CASK: variants seen among roughly 807,000 people sequenced by gnomAD.
CASK encodes calcium/calmodulin dependent serine protein kinase.
Under a neutral mutation model 82.9 loss-of-function variants are expected in CASK, and 4 were observed. That is an observed-to-expected ratio of 0.05 (90% CI 0.02 to 0.11). The LOEUF (loss-of-function observed/expected upper bound fraction) is 0.11, where lower values mean the gene tolerates loss of function less well. Among genes scored for constraint, CASK ranks in the 10% least tolerant of loss-of-function variants. The pLI, the probability that CASK is intolerant of heterozygous loss-of-function variation, is 1.00. For missense variants in CASK, 358 were observed against 720.9 expected (o/e 0.50, Z 5.76); for synonymous variants, 259 against 253.5 (o/e 1.02, Z -0.20).
At chrX:41,758,010 C>T (rs146238903) in intron 3 of CASK, among the ~76,000 whole-genome samples, 52 of 112,292 alleles carry the variant, frequency 4.6e-4, no homozygotes, top group African/African-American at 1.4e-3. Context: ...TAAACTACTC[C>T]GTATTTGTGG....
At chrX:41,737,521 C>G (rs1429691649) in intron 5 of CASK, among the ~76,000 whole-genome samples, 1 of 111,959 alleles carries the variant, frequency 8.9e-6, no homozygotes, top group Non-Finnish European at 1.9e-5. Context: ...AGTAGGCACT[C>G]AAATATTTGT....
intron 25 of CASK, chrX:41,524,274 C>G: frequency 2.6e-6 from 1 of 379,375 alleles, no homozygotes. Context: ...TCTTATGACT[C>G]ATGAATCAAT....
intron 5 of CASK, chrX:41,729,021 G>A: frequency 8.1e-6 from 1 of 123,247 alleles, no homozygotes; most frequent in Non-Finnish European, 1.9e-5. Flanking sequence ...ATCACATTGT[G>A]CATATTTTCT....
At chrX:41,609,146 G>A (rs905632433) in intron 12 of CASK, among the ~76,000 whole-genome samples, 8 of 111,569 alleles carry the variant, frequency 7.2e-5, no homozygotes, top group African/African-American at 1.6e-4. Context: ...ATGGAGTTTC[G>A]CTCTTGTTGC....
At chrX:41,773,534 G>A (rs2069287100) in intron 3 of CASK, among the ~76,000 whole-genome samples, 1 of 111,431 alleles carries the variant, frequency 9.0e-6, no homozygotes, top group Admixed American at 9.6e-5. Context: ...ATAGATTGAA[G>A]GATGGTATTA....
intron 1 of CASK, among the ~76,000 whole-genome samples, chrX:41,906,456 T>C (rs2072471853): frequency 8.9e-6 from 1 of 112,299 alleles, no homozygotes; most frequent in South Asian, 3.7e-4. Context: ...AAAATTTGAG[T>C]CTGAACACTA....
At position 41,518,148 on chromosome X, in the gene CASK, A is replaced by G; in HGVS notation, c.*2272T>C. On this transcript the variant is annotated 3_prime_UTR_variant, in exon 27 of 27. Coordinates refer to ENST00000378163, the MANE Select transcript of CASK (RefSeq NM_001367721.1). ...ATATGGCAGATGGCTTAAGACAGGC[A>G]TCATCAGCATCTCTGGAGATGTGGG... The G allele has an allele frequency of 6.5e-6, 1 of 153,429 alleles. No individual in the cohort carries two copies. Among genetic ancestry groups the G allele is most frequent in the Non-Finnish European group, 1.3e-5 (1 of 79,083 alleles). 12.6% of individuals were successfully genotyped at this position (153,429 alleles called of 1,213,427 possible).
At chrX:41,883,697 C>T (rs1196844577) in intron 1 of CASK, among the ~76,000 whole-genome samples, 6 of 111,543 alleles carry the variant, frequency 5.4e-5, no homozygotes, top group Admixed American at 1.9e-4. Context: ...TATTAAATCT[C>T]TAAAATAATT....
At chrX:41,540,500 CTTTA>C in intron 22 of CASK, among the ~76,000 whole-genome samples, 1 of 112,508 alleles carries the variant, frequency 8.9e-6, no homozygotes, top group African/African-American at 3.2e-5. Context: ...ACCCACTGAT[CTTTA>C]GAATTAGAAA....
Position 41,520,566 on chromosome X carries a change from A to G in CASK, c.2635T>C (p.Ser879Pro). The G allele has an allele frequency of 8.3e-7, 1 of 1,207,897 alleles. No individual in the cohort carries two copies. The highest frequency in any genetic ancestry group is 1.1e-6 in the Non-Finnish European group (1 of 893,028). Residue 879 changes from serine (S) to proline (P), a missense_variant, in exon 27 of 27, where the codon TCT becomes CCT. This residue lies in a region of CASK where 118 missense variants were observed against 169.4 expected (regional missense o/e 0.70). Coordinates refer to ENST00000378163, the MANE Select transcript of CASK (RefSeq NM_001367721.1). Reference protein sequence around the residue: ...DESLQRLQKESDILQRTYAHY... With the variant: ...DESLQRLQKEPDILQRTYAHY... ...GCATATGTTCTCTGTAAGATGTCAG[A>G]CTCCTTCTGCAGACGCTGAAGAGAT...
At chrX:41,842,729 TA>T (rs1485356224) in intron 2 of CASK, among the ~76,000 whole-genome samples, 1 of 111,681 alleles carries the variant, frequency 9.0e-6, no homozygotes, top group Non-Finnish European at 1.9e-5. Flanking sequence ...GGGATTTTGA[TA>T]GAGATAGCAC....
intron 2 of CASK, among the ~76,000 whole-genome samples, chrX:41,800,591 T>C (rs1261748559): frequency 9.1e-6 from 1 of 109,783 alleles, no homozygotes; most frequent in Non-Finnish European, 1.9e-5. Flanking sequence ...CATGCTGGTG[T>C]GCTGCACCCA....
chrX:41,634,643 C>T (rs1370354228), intron 9 of CASK, among the ~76,000 whole-genome samples: 1 of 112,161 alleles, frequency 8.9e-6, no homozygotes, highest in African/African-American at 3.2e-5. Context: ...AAGGTTCAAC[C>T]CCATACAGCG....
chrX:41,532,258 CAA>C (rs2064815292), intron 24 of CASK, among the ~76,000 whole-genome samples: 1 of 112,196 alleles, frequency 8.9e-6, no homozygotes, highest in Admixed American at 9.4e-5. Context: ...TTTTTGTAAA[CAA>C]AGTTTTACTG....
intron 2 of CASK, among the ~76,000 whole-genome samples, chrX:41,842,402 C>T (rs1178327288): frequency 9.1e-6 from 1 of 109,435 alleles, no homozygotes; most frequent in Non-Finnish European, 1.9e-5. Context: ...GAAACCCCAT[C>T]TCTACTAATA....
chrX:41,719,303 G>A (rs1217824757), intron 5 of CASK, among the ~76,000 whole-genome samples: 1 of 112,161 alleles, frequency 8.9e-6, no homozygotes, highest in Non-Finnish European at 1.9e-5. Context: ...ACAGTTTGGA[G>A]CAGCAGCTGT....
chrX:41,788,398 T>C (rs1305156769), intron 2 of CASK, among the ~76,000 whole-genome samples: 1 of 111,626 alleles, frequency 9.0e-6, no homozygotes, highest in Admixed American at 9.6e-5. Context: ...CTAATAGCAC[T>C]GGGGCTTTAC....
chrX:41,780,707 G>A (rs1306325569), intron 3 of CASK, among the ~76,000 whole-genome samples: 1 of 111,328 alleles, frequency 9.0e-6, no homozygotes, highest in African/African-American at 3.3e-5. Flanking sequence ...GGAGTGCAGT[G>A]GTGCTATCTT....
chrX:41,702,373 A>C (rs1249328117), intron 5 of CASK, among the ~76,000 whole-genome samples: 2 of 108,528 alleles, frequency 1.8e-5, no homozygotes, highest in Non-Finnish European at 3.8e-5. Context: ...CAACAAGAGC[A>C]AAACTTCGTC....
Sources: gnomAD v4.1 joint callset for allele counts (sites outside exome capture counted in the v4.1 genomes callset) on GRCh38, gnomAD v4.1.1 for gene constraint, gnomAD v4.1.1 regional missense constraint, MANE v1.5 for transcripts, NCBI Gene and HGNC (gene_info 2026-07-23, HGNC 2026-07-21) for gene names.